ARID1A: variants seen among roughly 807,000 people sequenced by gnomAD.
The protein encoded by ARID1A is AT-rich interaction domain 1A.
Under a neutral mutation model 212.6 loss-of-function variants are expected in ARID1A, and 20 were observed. That is an observed-to-expected ratio of 0.09 (90% CI 0.07 to 0.14). ARID1A has a LOEUF of 0.14. Among genes scored for constraint, ARID1A ranks in the 10% least tolerant of loss-of-function variants. The probability of loss-of-function intolerance (pLI) is 1.00; values close to 1 mark genes in which losing one functional copy is unlikely to be tolerated. For synonymous variants in ARID1A, 1,376 were observed against 1,222.1 expected (o/e 1.13, Z -2.63); for missense variants, 2,587 against 3,059.0 (o/e 0.85, Z 3.64).
intron 4 of ARID1A, among the ~76,000 whole-genome samples, chr1:26,754,525 G>C (rs965975303): frequency 6.6e-6 from 1 of 152,184 alleles, no homozygotes; most frequent in Non-Finnish European, 1.5e-5. Context: ...CCCCAGGGGT[G>C]TCATAGACTT....
intron 4 of ARID1A, among the ~76,000 whole-genome samples, chr1:26,750,014 G>A (rs117992869): frequency 1.3e-5 from 2 of 152,178 alleles, no homozygotes; most frequent in African/African-American, 4.8e-5. Context: ...GCATCTTGTC[G>A]TTTGTGTGTC....
At chr1:26,767,142 G>A (rs1570608737) in intron 10 of ARID1A, among the ~76,000 whole-genome samples, 1 of 152,144 alleles carries the variant, frequency 6.6e-6, no homozygotes, top group Admixed American at 6.5e-5. Flanking sequence ...TTCCCTATCT[G>A]TATACATAGG....
Position 26,696,202 on chromosome 1 carries a change from CT to C in ARID1A, c.-201del. 1.4e-6 allele frequency: 1 copy of C among 717,442 alleles called. No homozygotes were observed. The highest frequency in any genetic ancestry group is 1.8e-6 in the Non-Finnish European group (1 of 543,858). The allele number at this position is 717,442 out of a possible 1,614,324, so 44.4% of individuals were successfully genotyped here. A position where few individuals can be genotyped will look rare whatever the true frequency, so the allele number is the denominator to read the frequency against. On this transcript the variant is annotated 5_prime_UTR_variant, in exon 1 of 20. It removes the in-frame stop codon of an upstream open reading frame in the 5' UTR. Coordinates refer to ENST00000324856, the MANE Select transcript of ARID1A (RefSeq NM_006015.6). ...CCTCGGCCGCCGCCGCCGCCTCCTC[CT>C]CCTCCGCCGCCGCCAGCCCGGAGCC...
At chr1:26,768,366 T>C (rs1256164309) in intron 11 of ARID1A, among the ~76,000 whole-genome samples, 5 of 152,234 alleles carry the variant, frequency 3.3e-5, no homozygotes, top group South Asian at 2.1e-4. Context: ...TTATAACATA[T>C]ATGACCTTAA....
intron 1 of ARID1A, among the ~76,000 whole-genome samples, chr1:26,705,167 C>G (rs1000715852): frequency 1.2e-4 from 18 of 150,794 alleles, no homozygotes; most frequent in African/African-American, 4.1e-4. Context: ...GAGATGGAGT[C>G]TTACTTTGTC....
intron 10 of ARID1A, among the ~76,000 whole-genome samples, chr1:26,767,033 A>C (rs559875981): frequency 2.0e-5 from 3 of 152,294 alleles, no homozygotes; most frequent in Non-Finnish European, 4.4e-5. Context: ...GGCTTCCCTT[A>C]GGTTGGTCCT....
chr1:26,762,532 C>T (rs2081002023), intron 7 of ARID1A, among the ~76,000 whole-genome samples: 1 of 152,200 alleles, frequency 6.6e-6, no homozygotes, highest in Non-Finnish European at 1.5e-5. Flanking sequence ...TTCACTGAGC[C>T]TCTGTTTCAT....
chr1:26,748,570 T>C (rs2080857481), intron 4 of ARID1A, among the ~76,000 whole-genome samples: 2 of 152,132 alleles, frequency 1.3e-5, no homozygotes, highest in South Asian at 4.2e-4. Context: ...TGCACTGCTC[T>C]TGGCTGCTGT....
chr1:26,743,097 G>A (rs968010656), intron 4 of ARID1A, among the ~76,000 whole-genome samples: 1 of 152,098 alleles, frequency 6.6e-6, no homozygotes, highest in African/African-American at 2.4e-5. Context: ...GCGTGTTTTG[G>A]GGACCCTGGC....
rs373690941 is a variant in ARID1A at position 26,762,218 on chromosome 1, C to G, written c.2318C>G (p.Pro773Arg). 6.2e-7 allele frequency: 1 copy of G among 1,614,188 alleles called. No individual in the cohort carries two copies. The highest frequency in any genetic ancestry group is 8.5e-7 in the Non-Finnish European group (1 of 1,180,032). ...SSPQPGSALS[P>R]RQPSGGQIHT... ...CCCCAGCCCGGCTCAGCCTTATCTC[C>G]GCGTCAGCCTTCCGGAGGACAGATA... Residue 773 changes from proline (P) to arginine (R), a missense_variant, in exon 7 of 20, where the codon CCG (proline) becomes CGG (arginine). By Grantham distance (103) the Pro-to-Arg change is moderately radical. Transcript: ENST00000324856.
At chr1:26,767,024 G>A (rs540041241) in intron 10 of ARID1A, among the ~76,000 whole-genome samples, 14 of 152,328 alleles carry the variant, frequency 9.2e-5, no homozygotes, top group Non-Finnish European at 1.9e-4. Flanking sequence ...TGAGTCCTTG[G>A]CTTCCCTTAG....
chr1:26,745,256 C>T (rs1268463316), intron 4 of ARID1A, among the ~76,000 whole-genome samples: 2 of 152,110 alleles, frequency 1.3e-5, no homozygotes, highest in African/African-American at 4.8e-5. Flanking sequence ...GAATCATACC[C>T]CTAAACCTGT....
intron 1 of ARID1A, among the ~76,000 whole-genome samples, chr1:26,723,865 C>G (rs775411371): frequency 2.0e-5 from 3 of 151,982 alleles, no homozygotes; most frequent in Non-Finnish European, 4.4e-5. Context: ...GTCATTCATT[C>G]GGTGCCAAGA....
rs774421023 is a variant in ARID1A at position 26,780,259 on chromosome 1, A to G, written c.6361A>G (p.Thr2121Ala). The change falls in exon 20 of 20, where the codon ACC becomes GCC. Residue 2121 changes from threonine (T) to alanine (A), a missense_variant. By Grantham distance (58) the Thr-to-Ala change is moderately conservative (BLOSUM62 0). Transcript: ENST00000324856. This position sits in a 1 kb window ranked among gnomAD's most constrained non-coding sequence, Gnocchi z 7.2. ...VLSPQRLVLE[T>A]LSKLSIQDNN... ...TTCCCCGCAGAGACTGGTCTTGGAA[A>G]CCCTCAGCAAACTCAGCATCCAGGA... 7 of 1,613,610 alleles carry G rather than the reference A, an allele frequency of 4.3e-6. No individual in the cohort carries two copies. The highest frequency in any genetic ancestry group is 5.9e-6 in the Non-Finnish European group (7 of 1,179,958).
At position 26,718,712 on chromosome 1, in the gene ARID1A, G is replaced by GA. The variant is rs34732273; in HGVS notation, c.1138-10932dup. 1.5e-3 allele frequency among the ~76,000 whole-genome samples: 229 copies of GA among 152,132 alleles called. 1 individual carries two copies. Among genetic ancestry groups the GA allele is most frequent in the Middle Eastern group, 3.4e-3 (1 of 294 alleles). On this transcript the variant is annotated intron_variant, in intron 1 of 19. Transcript: ENST00000324856. ...TATATTGTTTAGGGAATAATGACAA[G>GA]AAAAAAAGTGTACACATTCAGTACA...
chr1:26,775,773 G>A, intron 19 of ARID1A, 66 bp downstream of exon 19: 1 of 1,609,088 alleles, frequency 6.2e-7, no homozygotes, highest in Non-Finnish European at 8.5e-7. Flanking sequence ...CAATGGGAAT[G>A]TCTCATCTTT....
chr1:26,697,227 G>C lies in ARID1A; in HGVS notation c.824G>C (p.Gly275Ala), dbSNP rs575243862. ...SFAQQRFGAMGGGGPSAAGGG... is the reference protein window; with the variant it reads ...SFAQQRFGAMAGGGPSAAGGG... Reference sequence around the variant, plus strand: ...GCTCAGCAGCGCTTCGGGGCCATGGGGGGAGGCGGCCCCTCCGCGGCCGGC... The same window carrying C: ...GCTCAGCAGCGCTTCGGGGCCATGGCGGGAGGCGGCCCCTCCGCGGCCGGC... Residue 275 changes from glycine (G) to alanine (A), a missense_variant, in exon 1 of 20, where the codon GGG (glycine) becomes GCG (alanine). Coordinates refer to ENST00000324856, the MANE Select transcript of ARID1A (RefSeq NM_006015.6). 14 of 1,378,814 alleles carry C rather than the reference G, an allele frequency of 1.0e-5. No homozygotes were observed. The South Asian group carries it at 1.5e-4, about 15-fold the overall frequency. The allele number at this position is 1,378,814 out of a possible 1,614,324, so 85.4% of individuals were successfully genotyped here.
intron 1 of ARID1A, among the ~76,000 whole-genome samples, chr1:26,712,106 G>T (rs1428168253): frequency 6.6e-6 from 1 of 152,020 alleles, no homozygotes; most frequent in Non-Finnish European, 1.5e-5. Context: ...ATAGGATCTT[G>T]ACTGTGGTGG....
At chr1:26,719,319 T>C (rs1204965925) in intron 1 of ARID1A, among the ~76,000 whole-genome samples, 1 of 152,152 alleles carries the variant, frequency 6.6e-6, no homozygotes, top group Non-Finnish European at 1.5e-5. Flanking sequence ...AGTATAGGAA[T>C]TTGGGGAAGC....
Sources: allele counts gnomAD v4.1 joint callset (sites outside exome capture counted in the v4.1 genomes callset), GRCh38; gene constraint gnomAD v4.1.1; non-coding constraint Gnocchi (gnomAD v3.1); transcripts MANE v1.5; gene names NCBI Gene and HGNC (gene_info 2026-07-23, HGNC 2026-07-21).